EIF4E2: variants seen among roughly 807,000 people sequenced by gnomAD.
The protein encoded by EIF4E2 is eukaryotic translation initiation factor 4E type 2.
A neutral mutation model predicts 34.2 loss-of-function variants in EIF4E2; 13 were observed. That is an observed-to-expected ratio of 0.38 (90% CI 0.25 to 0.60). EIF4E2 has a LOEUF of 0.60. Ranked by LOEUF, EIF4E2 falls within the 20% of genes least tolerant of loss-of-function variation. The probability of loss-of-function intolerance (pLI) is 0.62; values close to 1 mark genes in which losing one functional copy is unlikely to be tolerated. For synonymous variants in EIF4E2, 100 were observed against 106.6 expected, an observed-to-expected ratio of 0.94 and a Z score of 0.38; for missense variants, 222 against 315.1, an observed-to-expected ratio of 0.70 and a Z score of 2.24.
intron 4 of EIF4E2, among the ~76,000 whole-genome samples, chr2:232,565,646 GAAAA>G (rs1158234829): frequency 6.7e-6 from 1 of 148,460 alleles, no homozygotes; most frequent in Non-Finnish European, 1.5e-5. Flanking sequence ...AAAAAGAAAA[GAAAA>G]AAAAAGACCC....
chr2:232,562,362 C>T (rs1692754528), intron 3 of EIF4E2, among the ~76,000 whole-genome samples: 1 of 152,164 alleles, frequency 6.6e-6, no homozygotes, highest in Non-Finnish European at 1.5e-5. Context: ...AGGTGGATCA[C>T]CTGAGGTCAG....
exon 7 of EIF4E2, chr2:232,580,908 A>G (rs1693339239): frequency 6.5e-7 from 1 of 1,549,384 alleles, no homozygotes; most frequent in Non-Finnish European, 8.7e-7. Context: ...TTTCAGGGAC[A>G]ATTCAAGCTT....
chr2:232,579,600 T>C (rs2106258467), intron 6 of EIF4E2, among the ~76,000 whole-genome samples: 1 of 152,338 alleles, frequency 6.6e-6, no homozygotes, highest in East Asian at 1.9e-4. Flanking sequence ...AACTGCTGTT[T>C]GGCTGGGCTG....
chr2:232,560,179 A>G (rs926185842), intron 3 of EIF4E2, among the ~76,000 whole-genome samples: 1 of 152,158 alleles, frequency 6.6e-6, no homozygotes, highest in Non-Finnish European at 1.5e-5. Context: ...ACCTTGCCCT[A>G]CGCATCTCTT....
intron 1 of EIF4E2, among the ~76,000 whole-genome samples, chr2:232,551,992 A>T (rs923693063): frequency 6.6e-6 from 1 of 152,008 alleles, no homozygotes; most frequent in African/African-American, 2.4e-5. Flanking sequence ...TTTCATCTCT[A>T]TTGTAAACCC....
Position 232,581,160 on chromosome 2 carries a change from GACAA to G in EIF4E2, c.*221_*224del. 1 of 688,558 alleles carries G rather than the reference GACAA, an allele frequency of 1.5e-6. No homozygotes were observed. The highest frequency in any genetic ancestry group is 1.5e-5 in the South Asian group (1 of 66,450). 42.7% of individuals were successfully genotyped at this position (688,558 alleles called of 1,614,324 possible). A position where few individuals can be genotyped will look rare whatever the true frequency, so the allele number is the denominator to read the frequency against. On this transcript the variant is annotated 3_prime_UTR_variant, in exon 7 of 7. Transcript: ENST00000409098. This position sits in a 1 kb window ranked among gnomAD's most constrained non-coding sequence, Gnocchi z 5.2. Reference sequence around the variant, plus strand: ...AAACGGAAAACGTGACTTTGTAATAGACAAACATTGTTTTTTAATGGGGTTCCAT... The same window carrying G: ...AAACGGAAAACGTGACTTTGTAATAGACATTGTTTTTTAATGGGGTTCCAT...
intron 6 of EIF4E2, among the ~76,000 whole-genome samples, chr2:232,576,088 C>T (rs879710492): frequency 7.9e-5 from 12 of 152,004 alleles, no homozygotes; most frequent in Non-Finnish European, 1.5e-4. Flanking sequence ...CCTGTTGTCC[C>T]AGCTACTTGG....
intron 6 of EIF4E2, chr2:232,580,808 G>A (rs943773458): frequency 9.6e-6 from 11 of 1,141,548 alleles, no homozygotes; most frequent in South Asian, 4.4e-5. Flanking sequence ...TGGAGACCCC[G>A]AGGGCTGATG....
intron 3 of EIF4E2, among the ~76,000 whole-genome samples, chr2:232,559,317 A>G (rs1692633639): frequency 6.6e-6 from 1 of 151,750 alleles, no homozygotes; most frequent in African/African-American, 2.4e-5. Context: ...AGTACTCCTG[A>G]TGTCTTAAAC....
intron 2 of EIF4E2, among the ~76,000 whole-genome samples, chr2:232,557,307 C>T (rs1190008376): frequency 7.2e-6 from 1 of 138,394 alleles, no homozygotes; most frequent in East Asian, 2.1e-4. Context: ...TATTGAGTAA[C>T]CCTCCAAGGG....
intron 6 of EIF4E2, among the ~76,000 whole-genome samples, chr2:232,577,651 A>G (rs1693254261): frequency 6.6e-6 from 1 of 152,234 alleles, no homozygotes; most frequent in Non-Finnish European, 1.5e-5. Context: ...GGGAATGTGA[A>G]GTTGGAAGCC....
At chr2:232,578,741 G>A (rs1284494752) in intron 6 of EIF4E2, among the ~76,000 whole-genome samples, 1 of 152,114 alleles carries the variant, frequency 6.6e-6, no homozygotes, top group Non-Finnish European at 1.5e-5. Context: ...CAAAAGATAA[G>A]ATGACCTGCT....
At chr2:232,551,479 C>T (rs1034806718) in intron 1 of EIF4E2, among the ~76,000 whole-genome samples, 6 of 152,162 alleles carry the variant, frequency 3.9e-5, no homozygotes, top group Admixed American at 2.6e-4. Context: ...GAATATGTTC[C>T]TTCCTCTCTT....
At position 232,550,730 on chromosome 2, in the gene EIF4E2, C is replaced by G. The variant is rs376291567; in HGVS notation, c.6C>G (p.Asn2Lys). Residue 2 changes from asparagine to lysine, a missense_variant, in exon 1 of 7, where the codon AAC becomes AAG. Physicochemically the swap from Asn to Lys is moderately conservative, Grantham distance 94. Around this residue, in one of 3 missense-constraint regions of EIF4E2, gnomAD observed 87 missense variants for 93.6 expected, o/e 0.93. Coordinates refer to ENST00000258416, the MANE Select transcript of EIF4E2 (RefSeq NM_004846.4). Reference protein sequence around the residue: MNNKFDALKDDD... With the variant: MKNKFDALKDDD... ...GCGACAGCGGCGGCGAGAGGATGAACAACAAGTTCGACGCGTGAGTGGCTC... is the reference window on the plus strand; with the variant it reads ...GCGACAGCGGCGGCGAGAGGATGAAGAACAAGTTCGACGCGTGAGTGGCTC... The G allele has an allele frequency of 1.1e-5, 18 of 1,585,876 alleles. No individual in the cohort carries two copies. The highest frequency in any genetic ancestry group is 1.5e-5 in the Non-Finnish European group (17 of 1,167,912).
chr2:232,580,928 A>G, exon 7 of EIF4E2: 1 of 1,550,140 alleles, frequency 6.5e-7, no homozygotes, highest in Non-Finnish European at 8.7e-7. Flanking sequence ...TTCGAAATAC[A>G]AAAATCACAT....
Position 232,581,192 on chromosome 2 carries a change from G to T in EIF4E2, c.*249G>T, listed in dbSNP as rs769344416. Reference sequence around the variant, plus strand: ...ATTGTTTTTTAATGGGGTTCCATGGGGGGGCGTTCAGCCTTTCTGTTTGCT... The same window carrying T: ...ATTGTTTTTTAATGGGGTTCCATGGTGGGGCGTTCAGCCTTTCTGTTTGCT... On this transcript the variant is annotated 3_prime_UTR_variant, in exon 7 of 7. Coordinates refer to the EIF4E2 transcript ENST00000409098. This position sits in a 1 kb window ranked among gnomAD's most constrained non-coding sequence, Gnocchi z 5.2. 1.2e-4 allele frequency: 74 copies of T among 615,194 alleles called. No individual in the cohort carries two copies. Among genetic ancestry groups the T allele is most frequent in the Middle Eastern group, 5.5e-4 (2 of 3,634 alleles). The allele number at this position is 615,194 out of a possible 1,614,324, so 38.1% of individuals were successfully genotyped here.
chr2:232,555,641 G>A (rs1692491941), intron 1 of EIF4E2, among the ~76,000 whole-genome samples: 1 of 152,174 alleles, frequency 6.6e-6, no homozygotes, highest in Admixed American at 6.5e-5. Context: ...CTGCTCTAAG[G>A]GAACTCTCTC....
intron 6 of EIF4E2, among the ~76,000 whole-genome samples, chr2:232,575,276 G>A (rs187267012): frequency 6.6e-6 from 1 of 152,374 alleles, no homozygotes; most frequent in Admixed American, 6.5e-5. Flanking sequence ...GACACTCTGA[G>A]GGACAGCAGC....
chr2:232,564,360 T>C lies in EIF4E2; in HGVS notation c.375+9T>C, dbSNP rs1692837845. 1 of 1,548,140 alleles carries C rather than the reference T, an allele frequency of 6.5e-7. No individual in the cohort carries two copies. The highest frequency in any genetic ancestry group is 8.8e-7 in the Non-Finnish European group (1 of 1,138,130). Reference sequence around the variant, plus strand: ...TTAAACCCATGTGGGAGGTAAGGACTAATGGCTTCTGACTGCTTTTTTGAG... The same window carrying C: ...TTAAACCCATGTGGGAGGTAAGGACCAATGGCTTCTGACTGCTTTTTTGAG... On this transcript the variant is annotated intron_variant, in intron 4 of 6. Transcript: ENST00000258416.
Sources: allele counts gnomAD v4.1 joint callset (sites outside exome capture counted in the v4.1 genomes callset), GRCh38; gene constraint gnomAD v4.1.1; regional missense constraint gnomAD v4.1.1; non-coding constraint Gnocchi (gnomAD v3.1); transcripts MANE v1.5; gene names NCBI Gene and HGNC (gene_info 2026-07-23, HGNC 2026-07-21).